The following NBEA variants were observed in gnomAD, a reference collection of about 807,000 sequenced individuals.
The protein encoded by NBEA is lysosomal-trafficking regulator 2.
Under a neutral mutation model 343.4 loss-of-function variants are expected in NBEA, and 44 were observed. The observed-to-expected ratio is 0.13, with a 90% CI of 0.10 to 0.16. The LOEUF is 0.16. NBEA is among the 10% of genes least tolerant of loss of function. The pLI, the probability that NBEA is intolerant of heterozygous loss-of-function variation, is 1.00. For missense variants in NBEA, 2,555 were observed against 3,631.3 expected, an observed-to-expected ratio of 0.70 and a Z score of 7.62; for synonymous variants, 1,175 against 1,238.7, an observed-to-expected ratio of 0.95 and a Z score of 1.08.
At chr13:35,255,514 C>T (rs2032486409) in intron 34 of NBEA, among the ~76,000 whole-genome samples, 1 of 152,254 alleles carries the variant, frequency 6.6e-6, no homozygotes, top group African/African-American at 2.4e-5. Flanking sequence ...CTGACTGCTG[C>T]AGTGGGGTAA....
chr13:35,665,026 T>C (rs934376258), intron 55 of NBEA, 59 bp from the exon 56 acceptor site: 17 of 1,121,790 alleles, frequency 1.5e-5, no homozygotes, highest in Non-Finnish European at 1.7e-5. Flanking sequence ...GCATTGCTGG[T>C]GTAGCTCTCT....
chr13:35,602,189 C>T (rs1443955336), intron 47 of NBEA, among the ~76,000 whole-genome samples: 6 of 152,116 alleles, frequency 3.9e-5, no homozygotes, highest in South Asian at 4.1e-4. Flanking sequence ...AGAGATGAAA[C>T]GCTCATATTC....
chr13:34,982,506 G>A lies in NBEA; in HGVS notation c.294+39392G>A, dbSNP rs372031975. 5.9e-5 allele frequency among the ~76,000 whole-genome samples: 9 copies of A among 152,098 alleles called. No individual in the cohort carries two copies. In the East Asian group the frequency reaches 7.7e-4, roughly 13 times the overall value. On this transcript the variant is annotated intron_variant, in intron 1 of 58. Coordinates refer to ENST00000379939, the MANE Select transcript of NBEA (RefSeq NM_001385012.1). The stretch of plus-strand genomic sequence containing the variant: ...AGTAAAGACAGAATTTCACCATGTT[G>A]GCCAGGCTGGTCTTGAACTCCTGGC...
intron 1 of NBEA, among the ~76,000 whole-genome samples, chr13:35,016,936 A>G (rs2061679672): frequency 6.6e-6 from 1 of 152,170 alleles, no homozygotes; most frequent in African/African-American, 2.4e-5. Flanking sequence ...TTTAATGAGC[A>G]AAGGGGAGAG....
intron 1 of NBEA, among the ~76,000 whole-genome samples, chr13:34,943,690 C>T (rs1220860724): frequency 6.6e-6 from 1 of 152,076 alleles, no homozygotes; most frequent in Non-Finnish European, 1.5e-5. Context: ...TGTATCCATC[C>T]CCCTCCATCT....
intron 34 of NBEA, among the ~76,000 whole-genome samples, chr13:35,272,737 A>G (rs2034264408): frequency 6.6e-6 from 1 of 152,240 alleles, no homozygotes; most frequent in African/African-American, 2.4e-5. Context: ...TTTTAAACCA[A>G]CAAAGATCAA....
intron 1 of NBEA, among the ~76,000 whole-genome samples, chr13:35,015,127 G>GAAAAAAAAA (rs771271035): frequency 1.1e-4 from 2 of 18,318 alleles, no homozygotes; most frequent in African/African-American, 2.4e-4. Context: ...AACGAGATCT[G>GAAAAAAAAA]AAAAAAAAAA....
intron 31 of NBEA, among the ~76,000 whole-genome samples, chr13:35,206,664 GATT>G (rs2073418264): frequency 1.3e-5 from 2 of 152,136 alleles, no homozygotes; most frequent in Admixed American, 6.5e-5. Context: ...CAGTGGTAAT[GATT>G]ATTAACATTT....
chr13:35,125,129 T>C lies in NBEA; in HGVS notation c.2336+1555T>C, dbSNP rs1478257625. Among the ~76,000 whole-genome samples, 7 of 152,252 alleles carry C rather than the reference T, an allele frequency of 4.6e-5. No homozygotes were observed. In the East Asian group the frequency reaches 9.7e-4, roughly 21 times the overall value. ...TGAGATAGCCTATTTTCCCCCTTTT[T>C]CCTGTAAAATGTATAAATGATACAA... On this transcript the variant is annotated intron_variant, in intron 17 of 58. Transcript: ENST00000379939.
At chr13:35,271,606 G>GA (rs1231518080) in intron 34 of NBEA, among the ~76,000 whole-genome samples, 17 of 152,180 alleles carry the variant, frequency 1.1e-4, no homozygotes, top group Middle Eastern at 3.4e-3. Flanking sequence ...TAAAAATCTT[G>GA]AAAAAAGGTT....
Position 35,016,468 on chromosome 13 carries a change from G to A in NBEA, c.295-24465G>A, listed in dbSNP as rs116572058. 9.7e-3 allele frequency among the ~76,000 whole-genome samples: 1,471 copies of A among 152,110 alleles called. 20 individuals carry two copies. Among genetic ancestry groups the A allele is most frequent in the African/African-American group, 0.034 (1,418 of 41,476 alleles). ...ATTTGTTGAGTCCCGTTTTGGAGGG[G>A]ACATTTTCTTGCATGACAGTTGCAA... is the stretch of plus-strand genomic sequence containing the variant. On this transcript the variant is annotated intron_variant, in intron 1 of 58. Transcript: ENST00000379939.
chr13:35,025,763 C>CTAT (rs2061999525), intron 1 of NBEA, among the ~76,000 whole-genome samples: 2 of 152,102 alleles, frequency 1.3e-5, no homozygotes, highest in African/African-American at 4.8e-5. Flanking sequence ...GTTTATTTTG[C>CTAT]TATCGCTTAC....
intron 25 of NBEA, among the ~76,000 whole-genome samples, chr13:35,170,327 A>G (rs1050472466): frequency 1.4e-4 from 21 of 151,914 alleles, no homozygotes; most frequent in Non-Finnish European, 2.5e-4. Flanking sequence ...TTAAGAGTTA[A>G]TATTGATTGG....
chr13:35,430,400 C>T (rs1416215082), intron 38 of NBEA, among the ~76,000 whole-genome samples: 2 of 152,074 alleles, frequency 1.3e-5, no homozygotes, highest in African/African-American at 4.8e-5. Flanking sequence ...TGTCTGTTTA[C>T]TCTACTGATT....
intron 38 of NBEA, among the ~76,000 whole-genome samples, chr13:35,367,513 G>A (rs976797634): frequency 6.7e-6 from 1 of 149,752 alleles, no homozygotes; most frequent in African/African-American, 2.4e-5. Flanking sequence ...GTTACAAATT[G>A]TAATATCTCC....
intron 1 of NBEA, among the ~76,000 whole-genome samples, chr13:34,988,626 T>C (rs1301485892): frequency 6.6e-6 from 1 of 151,098 alleles, no homozygotes; most frequent in Non-Finnish European, 1.5e-5. Flanking sequence ...AATCTCCTGT[T>C]GTGCCATTTG....
At chr13:34,981,955 C>T (rs1309243473) in intron 1 of NBEA, among the ~76,000 whole-genome samples, 2 of 129,756 alleles carry the variant, frequency 1.5e-5, no homozygotes, top group African/African-American at 2.8e-5. Context: ...GTTCTCTCTT[C>T]TCTCTCTCTC....
intron 1 of NBEA, among the ~76,000 whole-genome samples, chr13:34,968,892 T>TTATTAA (rs1372538260): frequency 1.5e-4 from 20 of 132,440 alleles, no homozygotes; most frequent in African/African-American, 5.1e-4. Context: ...TATCAATTGA[T>TTATTAA]TGTTAATATC....
chr13:35,335,944 A>G (rs2039231472), intron 36 of NBEA, among the ~76,000 whole-genome samples: 1 of 152,092 alleles, frequency 6.6e-6, no homozygotes, highest in Non-Finnish European at 1.5e-5. Flanking sequence ...TTGCGACAAT[A>G]TGGAAACAGG....
Sources: allele counts gnomAD v4.1 joint callset (sites outside exome capture counted in the v4.1 genomes callset), GRCh38; gene constraint gnomAD v4.1.1; transcripts MANE v1.5; gene names NCBI Gene and HGNC (gene_info 2026-07-23, HGNC 2026-07-21).